Variants in PLEKHH2 observed in about 807,000 individuals in gnomAD.
PLEKHH2 encodes pleckstrin homology domain-containing family H member 2.
In PLEKHH2, 129 loss-of-function variants were observed where a neutral mutation model predicts 187.9. The ratio of observed to expected loss-of-function variants is 0.69; its 90% CI spans 0.59 to 0.79. PLEKHH2 has a LOEUF of 0.79. Among genes scored for constraint, PLEKHH2 ranks in the 30% least tolerant of loss-of-function variants. The pLI, the probability that PLEKHH2 is intolerant of heterozygous loss-of-function variation, is 0.00. For synonymous variants in PLEKHH2, 686 were observed against 605.6 expected (o/e 1.13, Z -1.95); for missense variants, 2,076 against 1,751.2 (o/e 1.19, Z -3.31).
At chr2:43,696,845 T>C (rs1237073720) in intron 6 of PLEKHH2, among the ~76,000 whole-genome samples, 1 of 152,236 alleles carries the variant, frequency 6.6e-6, no homozygotes, top group African/African-American at 2.4e-5. Context: ...TACTTGACTT[T>C]GCAGGAAGCT....
chr2:43,695,149 T>G lies in PLEKHH2; in HGVS notation c.427T>G (p.Leu143Val). 2.5e-6 allele frequency: 4 copies of G among 1,584,462 alleles called. No homozygotes were observed. The highest frequency in any genetic ancestry group is 2.6e-6 in the Non-Finnish European group (3 of 1,159,296). The part of the protein sequence containing the change: ...WVTVKLNELE[L>V]ENQNLRLINQ... The stretch of plus-strand genomic sequence containing the variant: ...TACCATTATGTTCTCTTAGCTGGAA[T>G]TGGAGAATCAGAATCTTCGTTTGAT... Residue 143 changes from leucine (L) to valine (V), a missense_variant, in exon 6 of 30, where the codon TTG becomes GTG. Coordinates refer to ENST00000282406, the MANE Select transcript of PLEKHH2 (RefSeq NM_172069.4).
At chr2:43,675,575 G>A (rs377160403) in intron 2 of PLEKHH2, 13 of 1,613,574 alleles carry the variant, frequency 8.1e-6, no homozygotes, top group Non-Finnish European at 1.1e-5. Context: ...TCAATAAGCT[G>A]TGCGATTGGT....
chr2:43,703,835 C>T (rs886301038), intron 8 of PLEKHH2, 146 bp from the exon 9 acceptor site: 45 of 531,440 alleles, frequency 8.5e-5, no homozygotes, highest in East Asian at 5.2e-4. Flanking sequence ...TAGTTGGCAC[C>T]GATGATGGTT....
At chr2:43,738,559 G>C (rs756103991) in intron 20 of PLEKHH2, 39 bp downstream of exon 20, 2 of 1,502,212 alleles carry the variant, frequency 1.3e-6, no homozygotes, top group South Asian at 1.3e-5. Context: ...GCAATTTAAA[G>C]TGTTTTTTTT....
At chr2:43,682,549 C>T (rs921049453) in intron 3 of PLEKHH2, among the ~76,000 whole-genome samples, 1 of 149,052 alleles carries the variant, frequency 6.7e-6, no homozygotes, top group Non-Finnish European at 1.5e-5. Context: ...TTGTGATTTG[C>T]CCCCCTTGGC....
At chr2:43,756,298 T>A (rs752708612) in intron 25 of PLEKHH2, among the ~76,000 whole-genome samples, 12 of 152,054 alleles carry the variant, frequency 7.9e-5, no homozygotes, top group Non-Finnish European at 1.2e-4. Flanking sequence ...TGAAATTTCT[T>A]ATAACTTTTT....
At chr2:43,675,452 A>G (rs1667700290) in intron 2 of PLEKHH2, 1 of 1,613,674 alleles carries the variant, frequency 6.2e-7, no homozygotes, top group African/African-American at 1.3e-5. Flanking sequence ...CTGAGCCGGT[A>G]CAGGCCATAC....
At chr2:43,721,598 C>T (rs1331697036) in intron 16 of PLEKHH2, among the ~76,000 whole-genome samples, 2 of 152,162 alleles carry the variant, frequency 1.3e-5, no homozygotes, top group East Asian at 1.9e-4. Flanking sequence ...AAAAACAATA[C>T]TGAGGCCAGG....
At position 43,726,386 on chromosome 2, in the gene PLEKHH2, A is replaced by G. The variant is rs144772199; in HGVS notation, c.2656A>G (p.Thr886Ala). Residue 886 changes from threonine (T) to alanine (A), a missense_variant, in exon 17 of 30, where the codon ACT (threonine) becomes GCT (alanine). By Grantham distance (58) the Thr-to-Ala change is moderately conservative. Transcript: ENST00000282406. ...ACGAAGTCTGTTATCCACACATTAT[A>G]CTATCGTTATCCATCCCAAAGACCA... Reference protein sequence around the residue: ...SGRSLLSTHYTIVIHPKDQGP... With the variant: ...SGRSLLSTHYAIVIHPKDQGP... The G allele has an allele frequency of 8.1e-6, 13 of 1,611,408 alleles. No homozygotes were observed. In the African/African-American group the frequency reaches 1.3e-4, roughly 17 times the overall value.
At chr2:43,750,542 A>G (rs960058308) in intron 24 of PLEKHH2, among the ~76,000 whole-genome samples, 2 of 151,796 alleles carry the variant, frequency 1.3e-5, no homozygotes, top group African/African-American at 4.8e-5. Flanking sequence ...GAATACTACT[A>G]CTGGTACTCC....
chr2:43,697,347 G>T lies in PLEKHH2; in HGVS notation c.679G>T (p.Asp227Tyr). 1 of 1,607,924 alleles carries T rather than the reference G, an allele frequency of 6.2e-7. No homozygotes were observed. Among genetic ancestry groups the T allele is most frequent in the Non-Finnish European group, 8.5e-7 (1 of 1,177,296 alleles). The part of the protein sequence containing the change: ...SKEPEFTEGK[D>Y]MEEMEIPEKS... ...AGAACCTGAGTTCACTGAAGGAAAA[G>T]ACATGGAAGGTATTTATGAACTACA... The change falls in exon 7 of 30, where the codon GAC becomes TAC. Residue 227 changes from aspartate (D) to tyrosine (Y), a missense_variant. By Grantham distance (160) the Asp-to-Tyr change is radical. Transcript: ENST00000282406.
chr2:43,695,040 CAT>C, intron 5 of PLEKHH2, 101 bp from the exon 6 acceptor site: 1 of 548,388 alleles, frequency 1.8e-6, no homozygotes, highest in Non-Finnish European at 2.9e-6. Flanking sequence ...TTTGCTTACA[CAT>C]GTAGAGAAAC....
chr2:43,645,864 A>G (rs1427289327), intron 2 of PLEKHH2, among the ~76,000 whole-genome samples: 2 of 152,168 alleles, frequency 1.3e-5, no homozygotes, highest in African/African-American at 4.8e-5. Context: ...GGTTTCTGAA[A>G]CACTAATCTG....
chr2:43,678,227 T>C (rs997720456), intron 2 of PLEKHH2, among the ~76,000 whole-genome samples: 4 of 137,792 alleles, frequency 2.9e-5, no homozygotes, highest in African/African-American at 1.1e-4. Flanking sequence ...CTTTCCAGAC[T>C]GGGCAGCCAG....
chr2:43,755,107 A>G lies in PLEKHH2; in HGVS notation c.3795+1347A>G, dbSNP rs543469525. Among the ~76,000 whole-genome samples the G allele has an allele frequency of 2.0e-5, 3 of 152,156 alleles. No individual in the cohort carries two copies. The East Asian group carries it at 5.8e-4, about 29-fold the overall frequency. ...AGGCTAGTCTCGAACTCCTGACCTC[A>G]AGTGATCCACCTGCCTTGGCCTCCC... On this transcript the variant is annotated intron_variant, in intron 25 of 29. Transcript: ENST00000282406.
intron 19 of PLEKHH2, among the ~76,000 whole-genome samples, chr2:43,736,659 C>A (rs975644315): frequency 1.3e-5 from 2 of 152,044 alleles, no homozygotes; most frequent in African/African-American, 2.4e-5. Context: ...CAGGGGGAAA[C>A]CCTGTCTCTA....
chr2:43,678,082 C>T (rs972069326), intron 2 of PLEKHH2, among the ~76,000 whole-genome samples: 11 of 151,148 alleles, frequency 7.3e-5, no homozygotes, highest in African/African-American at 1.7e-4. Context: ...GGGTCGCGGC[C>T]GGGCAGAGGC....
At position 43,692,678 on chromosome 2, in the gene PLEKHH2, G is replaced by C; in HGVS notation, c.336+15G>C. On this transcript the variant is annotated intron_variant, in intron 4 of 29. Transcript: ENST00000282406. ...TTGAAGAGCAGGTTAGGAAGAATTTGATAAAGAGTTCTAAGTGTGTGCACT... is the reference window on the plus strand; with the variant it reads ...TTGAAGAGCAGGTTAGGAAGAATTTCATAAAGAGTTCTAAGTGTGTGCACT... The C allele has an allele frequency of 6.2e-7, 1 of 1,609,284 alleles. No homozygotes were observed. Among genetic ancestry groups the C allele is most frequent in the Non-Finnish European group, 8.5e-7 (1 of 1,177,172 alleles).
chr2:43,688,193 C>G (rs564644356), intron 3 of PLEKHH2, among the ~76,000 whole-genome samples: 14 of 152,268 alleles, frequency 9.2e-5, no homozygotes, highest in African/African-American at 2.6e-4. Context: ...ATACAGCCTA[C>G]AGAATAGGAG....
Sources: gnomAD v4.1 joint callset for allele counts (sites outside exome capture counted in the v4.1 genomes callset) on GRCh38, gnomAD v4.1.1 for gene constraint, MANE v1.5 for transcripts, NCBI Gene and HGNC (gene_info 2026-07-23, HGNC 2026-07-21) for gene names.